KCNQ1OT1: variants seen among roughly 807,000 people sequenced by gnomAD.
KCNQ1OT1 encodes the protein KCNQ1 opposite strand/antisense transcript 1.
chr11:2,632,422 C>A (rs559011223), exon 1 of KCNQ1OT1: 4 of 398,214 alleles, frequency 1.0e-5, no homozygotes, highest in Admixed American at 4.4e-5. Context: ...GGCTAAAATG[C>A]GCATCTTGCT....
chr11:2,666,823 A>G (rs1850079696), exon 1 of KCNQ1OT1: 1 of 398,712 alleles, frequency 2.5e-6, no homozygotes, highest in Non-Finnish European at 4.4e-6. Context: ...GACAGAAAGG[A>G]CATTCTGGGA....
At chr11:2,634,168 C>G (rs1181616024) in exon 1 of KCNQ1OT1, 1 of 392,086 alleles carries the variant, frequency 2.6e-6, no homozygotes, top group Non-Finnish European at 4.5e-6. Context: ...TTTTCTCTCT[C>G]TCTCCCTTTT....
At chr11:2,689,380 G>C (rs1850551256) in exon 1 of KCNQ1OT1, 1 of 398,600 alleles carries the variant, frequency 2.5e-6, no homozygotes, top group Non-Finnish European at 4.4e-6. Flanking sequence ...GTGCTTGAGT[G>C]GGGTGGAAGA....
chr11:2,613,815 T>C lies in KCNQ1OT1; in HGVS notation n.86180A>G. On this transcript the variant is annotated non_coding_transcript_exon_variant, in exon 1 of 1. Transcript: ENST00000597346. The surrounding 1 kb of genome is among the most constrained non-coding windows in gnomAD (Gnocchi z 4.8). ...TTCCATCCTAATTCCCCCTACCCAT[T>C]ATAGGTAACCAGTTTCAGTGTTTTC... 1 of 398,522 alleles carries C rather than the reference T, an allele frequency of 2.5e-6. No homozygotes were observed. Among genetic ancestry groups the C allele is most frequent in the Non-Finnish European group, 4.4e-6 (1 of 226,026 alleles). 24.7% of individuals were successfully genotyped at this position (398,522 alleles called of 1,614,324 possible).
rs1590001731 is a variant in KCNQ1OT1, at chr11:2,644,893, G to A, written n.55102C>T. 5 of 398,746 alleles carry A rather than the reference G, an allele frequency of 1.3e-5. No homozygotes were observed. In the East Asian group the frequency reaches 1.8e-4, roughly 14 times the overall value. 24.7% of individuals were successfully genotyped at this position (398,746 alleles called of 1,614,324 possible). On this transcript the variant is annotated non_coding_transcript_exon_variant, in exon 1 of 1. Coordinates refer to ENST00000597346, the Ensembl canonical transcript of KCNQ1OT1. Reference sequence around the variant, plus strand: ...TGGAGGCTGTGGTAAAGTCTGGCTGGGGATAGGGACACCAGCTGGGCCAGT... The same window carrying A: ...TGGAGGCTGTGGTAAAGTCTGGCTGAGGATAGGGACACCAGCTGGGCCAGT...
At chr11:2,666,922 G>T (rs1327161349) in exon 1 of KCNQ1OT1, 3 of 398,574 alleles carry the variant, frequency 7.5e-6, no homozygotes, top group Non-Finnish European at 1.3e-5. Context: ...CTTCTGCAAA[G>T]CTCCAGACCA....
chr11:2,656,681 TTTCACTC>T (rs150171639), exon 1 of KCNQ1OT1: 37,253 of 398,528 alleles, frequency 0.093, 1,948 homozygotes, highest in Middle Eastern at 0.15. Context: ...GGCACTGTCT[TTTCACTC>T]TTTAAGGTGT....
chr11:2,659,440 A>T lies in KCNQ1OT1; in HGVS notation n.40555T>A. 2.5e-6 allele frequency: 1 copy of T among 398,544 alleles called. No homozygotes were observed. Among genetic ancestry groups the T allele is most frequent in the Non-Finnish European group, 4.4e-6 (1 of 226,028 alleles). The allele number at this position is 398,544 out of a possible 1,614,324, so 24.7% of individuals were successfully genotyped here. ...ATGTTGTTGCATAAATCATTAGTTAATTTCTTTTTATTGCTGGGTGGTATT... is the reference window on the plus strand; with the variant it reads ...ATGTTGTTGCATAAATCATTAGTTATTTTCTTTTTATTGCTGGGTGGTATT... On this transcript the variant is annotated non_coding_transcript_exon_variant, in exon 1 of 1. Coordinates refer to ENST00000597346, the Ensembl canonical transcript of KCNQ1OT1. The surrounding 1 kb of genome is among the most constrained non-coding windows in gnomAD (Gnocchi z 4.3).
exon 1 of KCNQ1OT1, chr11:2,684,105 T>A: frequency 2.5e-6 from 1 of 398,570 alleles, no homozygotes. Context: ...CAGAACCCTT[T>A]CACATAGATT....
chr11:2,620,704 C>T lies in KCNQ1OT1; in HGVS notation n.79291G>A, dbSNP rs1849155234. On this transcript the variant is annotated non_coding_transcript_exon_variant, in exon 1 of 1. Transcript: ENST00000597346. This position sits in a 1 kb window ranked among gnomAD's most constrained non-coding sequence, Gnocchi z 4.5. ...AATTTATTTTCCTTTGAATATATAT[C>T]CAGTAATGGGATTGCTGGGTCAGAT... 2.5e-6 allele frequency: 1 copy of T among 398,496 alleles called. No homozygotes were observed. The highest frequency in any genetic ancestry group is 3.6e-5 in the East Asian group (1 of 28,064). 24.7% of individuals were successfully genotyped at this position (398,496 alleles called of 1,614,324 possible).
chr11:2,696,429 C>T, exon 1 of KCNQ1OT1: 1 of 398,662 alleles, frequency 2.5e-6, no homozygotes, highest in Non-Finnish European at 4.4e-6. Flanking sequence ...TACCTCTGAG[C>T]TCTCTTCTGG....
Position 2,627,772 on chromosome 11 carries a change from A to T in KCNQ1OT1, n.72223T>A, listed in dbSNP as rs1301211477. ...ACTATTTTCTTCCTTTCTTTTTGAG[A>T]CAGGGTCTCCATCTGTCATCCAGGC... On this transcript the variant is annotated non_coding_transcript_exon_variant, in exon 1 of 1. Coordinates refer to ENST00000597346, the Ensembl canonical transcript of KCNQ1OT1. The surrounding 1 kb of genome is among the most constrained non-coding windows in gnomAD (Gnocchi z 4.9). 1 of 398,196 alleles carries T rather than the reference A, an allele frequency of 2.5e-6. No homozygotes were observed. The highest frequency in any genetic ancestry group is 4.4e-6 in the Non-Finnish European group (1 of 226,046). 24.7% of individuals were successfully genotyped at this position (398,196 alleles called of 1,614,324 possible). A position where few individuals can be genotyped will look rare whatever the true frequency, so the allele number is the denominator to read the frequency against.
chr11:2,652,790 AC>A lies in KCNQ1OT1; in HGVS notation n.47204del, dbSNP rs1275400950. 4 of 398,600 alleles carry A rather than the reference AC, an allele frequency of 1.0e-5. No homozygotes were observed. Among genetic ancestry groups the A allele is most frequent in the Non-Finnish European group, 1.8e-5 (4 of 226,410 alleles). The allele number at this position is 398,600 out of a possible 1,614,324, so 24.7% of individuals were successfully genotyped here. A position where few individuals can be genotyped will look rare whatever the true frequency, so the allele number is the denominator to read the frequency against. On this transcript the variant is annotated non_coding_transcript_exon_variant, in exon 1 of 1. Coordinates refer to ENST00000597346, the Ensembl canonical transcript of KCNQ1OT1. This position sits in a 1 kb window ranked among gnomAD's most constrained non-coding sequence, Gnocchi z 5.9. Reference sequence around the variant, plus strand: ...CTTCCTCAGCGCCCCCGCTACTCAGACCCCACCCTTGGGCCTGCAGAGACAT... The same window carrying A: ...CTTCCTCAGCGCCCCCGCTACTCAGACCCACCCTTGGGCCTGCAGAGACAT...
At chr11:2,655,639 G>A in exon 1 of KCNQ1OT1, 1 of 398,718 alleles carries the variant, frequency 2.5e-6, no homozygotes, top group Non-Finnish European at 4.4e-6. Context: ...TGGCCTGAAA[G>A]AGGCAGCACC....
At position 2,659,282 on chromosome 11, in the gene KCNQ1OT1, G is replaced by A; in HGVS notation, n.40713C>T. ...GTCAAGTACTTCTCCCCTAACCACT[G>A]GCAGCTATTGATCTGTTTTATGTCC... On this transcript the variant is annotated non_coding_transcript_exon_variant, in exon 1 of 1. Coordinates refer to ENST00000597346, the Ensembl canonical transcript of KCNQ1OT1. This position sits in a 1 kb window ranked among gnomAD's most constrained non-coding sequence, Gnocchi z 4.3. 2 of 398,552 alleles carry A rather than the reference G, an allele frequency of 5.0e-6. No individual in the cohort carries two copies. Among genetic ancestry groups the A allele is most frequent in the Non-Finnish European group, 8.8e-6 (2 of 226,050 alleles). The allele number at this position is 398,552 out of a possible 1,614,324, so 24.7% of individuals were successfully genotyped here. A position where few individuals can be genotyped will look rare whatever the true frequency, so the allele number is the denominator to read the frequency against.
exon 1 of KCNQ1OT1, chr11:2,692,074 C>A: frequency 2.5e-6 from 1 of 398,794 alleles, no homozygotes; most frequent in Non-Finnish European, 4.4e-6. Flanking sequence ...GACCCACATT[C>A]CAGTCACCTG....
chr11:2,661,123 T>C lies in KCNQ1OT1; in HGVS notation n.38872A>G. On this transcript the variant is annotated non_coding_transcript_exon_variant, in exon 1 of 1. Coordinates refer to ENST00000597346, the Ensembl canonical transcript of KCNQ1OT1. This position sits in a 1 kb window ranked among gnomAD's most constrained non-coding sequence, Gnocchi z 5.9. ...TCCCACCTGGCATCTGCTGCTCGGA[T>C]GAGCAGAGAGGGTGGGCTAGGGATC... 2.5e-6 allele frequency: 1 copy of C among 398,500 alleles called. No individual in the cohort carries two copies. Among genetic ancestry groups the C allele is most frequent in the Non-Finnish European group, 4.4e-6 (1 of 226,060 alleles). 24.7% of individuals were successfully genotyped at this position (398,500 alleles called of 1,614,324 possible).
At chr11:2,655,673 C>CCCCA in exon 1 of KCNQ1OT1, 2 of 136,492 alleles carry the variant, frequency 1.5e-5, no homozygotes. Flanking sequence ...AGAGCTGAAT[C>CCCCA]CCCACCCACC....
At chr11:2,643,124 T>A in exon 1 of KCNQ1OT1, 1 of 398,096 alleles carries the variant, frequency 2.5e-6, no homozygotes, top group Non-Finnish European at 4.4e-6. Context: ...ATGAGAAGAG[T>A]GTATATTCTG....
Sources: allele counts gnomAD v4.1 joint callset, GRCh38; gene constraint gnomAD v4.1.1; non-coding constraint Gnocchi (gnomAD v3.1); transcripts MANE v1.5; gene names NCBI Gene and HGNC (gene_info 2026-07-23, HGNC 2026-07-21).